ERBB4: variants seen among roughly 807,000 people sequenced by gnomAD.
ERBB4 encodes receptor tyrosine-protein kinase erbB-4.
ERBB4 carries 42 observed loss-of-function variants against 158.0 expected under a neutral mutation model. The observed-to-expected ratio is 0.27, with a 90% CI of 0.21 to 0.34. ERBB4 has a LOEUF of 0.34. ERBB4 is among the 10% of genes least tolerant of loss of function. The probability of loss-of-function intolerance (pLI) is 1.00; values close to 1 mark genes in which losing one functional copy is unlikely to be tolerated. For missense variants in ERBB4, 1,333 were observed against 1,624.1 expected (o/e 0.82, Z 3.08); for synonymous variants, 583 against 558.7 (o/e 1.04, Z -0.61).
At chr2:211,596,040 A>G (rs1179898010) in intron 19 of ERBB4, among the ~76,000 whole-genome samples, 1 of 152,206 alleles carries the variant, frequency 6.6e-6, no homozygotes, top group Admixed American at 6.5e-5. Flanking sequence ...AAGTAACTCC[A>G]ATGAAAAAAA....
intron 20 of ERBB4, among the ~76,000 whole-genome samples, chr2:211,487,310 T>C (rs547476330): frequency 6.6e-6 from 1 of 152,042 alleles, no homozygotes; most frequent in South Asian, 2.1e-4. Context: ...TACAGTTTTA[T>C]GTTATCCAAC....
chr2:212,029,969 C>A (rs1024719254), intron 2 of ERBB4, among the ~76,000 whole-genome samples: 2 of 152,132 alleles, frequency 1.3e-5, no homozygotes, highest in Non-Finnish European at 2.9e-5. Context: ...AAGTTTTGCA[C>A]TGTACTATCA....
chr2:211,761,440 C>T lies in ERBB4; in HGVS notation c.557-10736G>A, dbSNP rs774403469. 4.6e-5 allele frequency among the ~76,000 whole-genome samples: 7 copies of T among 152,158 alleles called. No homozygotes were observed. The South Asian group carries it at 1.5e-3, about 32-fold the overall frequency. On this transcript the variant is annotated intron_variant, in intron 4 of 27. Coordinates refer to ENST00000342788, the MANE Select transcript of ERBB4 (RefSeq NM_005235.3). ...ATTTGGTTGTTTAATCAGCGACATC[C>T]ATCTTAATCAGAAATTATTTTTTCT... is the stretch of plus-strand genomic sequence containing the variant.
intron 4 of ERBB4, among the ~76,000 whole-genome samples, chr2:211,768,912 A>T (rs1481886923): frequency 1.3e-5 from 2 of 152,224 alleles, no homozygotes; most frequent in Non-Finnish European, 2.9e-5. Flanking sequence ...TCAGAAAATA[A>T]GTTTTTCTTT....
intron 16 of ERBB4, among the ~76,000 whole-genome samples, chr2:211,648,769 G>T (rs1011098651): frequency 2.0e-5 from 3 of 151,714 alleles, no homozygotes; most frequent in African/African-American, 4.8e-5. Flanking sequence ...CCTACAGTAT[G>T]ATCTAGTGAC....
intron 2 of ERBB4, among the ~76,000 whole-genome samples, chr2:211,970,564 G>T (rs147224606): frequency 1.9e-4 from 29 of 152,112 alleles, no homozygotes; most frequent in African/African-American, 7.0e-4. Context: ...GCTCCTGTGT[G>T]GGAAGTATAT....
intron 9 of ERBB4, among the ~76,000 whole-genome samples, chr2:211,710,518 A>AG (rs1231482203): frequency 6.6e-6 from 1 of 152,150 alleles, no homozygotes; most frequent in Non-Finnish European, 1.5e-5. Flanking sequence ...TGGACTCAGA[A>AG]GGCCAGTGGG....
chr2:211,948,131 C>A (rs927814006), intron 2 of ERBB4, among the ~76,000 whole-genome samples: 1 of 151,982 alleles, frequency 6.6e-6, no homozygotes, highest in Non-Finnish European at 1.5e-5. Flanking sequence ...ACATAAAAAA[C>A]ATGTATTAAA....
At chr2:212,483,030 T>G (rs1689784853) in intron 1 of ERBB4, among the ~76,000 whole-genome samples, 1 of 151,954 alleles carries the variant, frequency 6.6e-6, no homozygotes, top group Non-Finnish European at 1.5e-5. Context: ...AGTTCTGCCT[T>G]GTGAGCAGAT....
At chr2:211,753,311 C>T (rs2075191273) in intron 4 of ERBB4, among the ~76,000 whole-genome samples, 1 of 151,750 alleles carries the variant, frequency 6.6e-6, no homozygotes. Flanking sequence ...TATAAGCATT[C>T]CCTCCTACAT....
At chr2:211,435,424 G>A (rs1213904425) in intron 20 of ERBB4, among the ~76,000 whole-genome samples, 2 of 152,188 alleles carry the variant, frequency 1.3e-5, no homozygotes, top group African/African-American at 4.8e-5. Flanking sequence ...TTTTAAATAT[G>A]AGAAAACAAA....
chr2:212,210,882 T>G (rs553472803), intron 1 of ERBB4, among the ~76,000 whole-genome samples: 1 of 152,248 alleles, frequency 6.6e-6, no homozygotes, highest in East Asian at 1.9e-4. Context: ...ATTCACAATT[T>G]ATATTTCCCA....
chr2:212,284,954 C>G (rs552371499), intron 1 of ERBB4, among the ~76,000 whole-genome samples: 29 of 152,210 alleles, frequency 1.9e-4, no homozygotes, highest in Admixed American at 1.5e-3. Context: ...TCTTGACAGG[C>G]AGCCCTTCAA....
intron 15 of ERBB4, among the ~76,000 whole-genome samples, chr2:211,663,947 G>A (rs987181875): frequency 2.0e-5 from 3 of 151,952 alleles, no homozygotes; most frequent in Non-Finnish European, 4.4e-5. Context: ...ACTCACAAGG[G>A]GAGCAGTTTA....
intron 1 of ERBB4, among the ~76,000 whole-genome samples, chr2:212,447,867 CTT>C (rs1237150818): frequency 2.0e-5 from 3 of 151,732 alleles, no homozygotes; most frequent in African/African-American, 7.3e-5. Context: ...TGCCAAAACT[CTT>C]ATACTGTGTT....
chr2:211,855,316 C>CAT (rs1559578823), intron 3 of ERBB4, among the ~76,000 whole-genome samples: 6 of 151,742 alleles, frequency 4.0e-5, no homozygotes, highest in Non-Finnish European at 8.8e-5. Flanking sequence ...TAAAATTATG[C>CAT]CCTTTGATGA....
intron 1 of ERBB4, among the ~76,000 whole-genome samples, chr2:212,422,876 A>G (rs1313479560): frequency 1.3e-5 from 2 of 152,236 alleles, no homozygotes; most frequent in Non-Finnish European, 2.9e-5. Context: ...AAAATTGTCA[A>G]AATGAATCCT....
chr2:212,189,744 T>A (rs555740853), intron 1 of ERBB4, among the ~76,000 whole-genome samples: 8 of 152,326 alleles, frequency 5.3e-5, no homozygotes, highest in Middle Eastern at 3.4e-3. Flanking sequence ...ACCTCACATA[T>A]CTGAGTACCA....
intron 2 of ERBB4, among the ~76,000 whole-genome samples, chr2:212,103,796 C>G (rs893613825): frequency 6.6e-6 from 1 of 151,382 alleles, no homozygotes; most frequent in African/African-American, 2.4e-5. Flanking sequence ...AATAATTAAA[C>G]ATGATTTAAA....
Sources: allele counts gnomAD v4.1 joint callset (sites outside exome capture counted in the v4.1 genomes callset), GRCh38; gene constraint gnomAD v4.1.1; transcripts MANE v1.5; gene names NCBI Gene and HGNC (gene_info 2026-07-23, HGNC 2026-07-21).